DIPK2A: variants seen among roughly 807,000 people sequenced by gnomAD.
DIPK2A encodes the protein Golgi Protein of 49 kDa.
In DIPK2A, 27 loss-of-function variants were observed where a neutral mutation model predicts 39.0. That is an observed-to-expected ratio of 0.69 (90% CI 0.51 to 0.96). DIPK2A has a LOEUF of 0.96. Ranked by LOEUF, DIPK2A falls within the 40% of genes least tolerant of loss-of-function variation. DIPK2A has a pLI of 0.00. For missense variants in DIPK2A, 528 were observed against 571.3 expected, an observed-to-expected ratio of 0.92 and a Z score of 0.77; for synonymous variants, 298 against 240.8, an observed-to-expected ratio of 1.24 and a Z score of -2.20.
In DIPK2A at chr3:143,991,265, A is replaced by C. The variant is rs2087983591; in HGVS notation, c.*1424A>C. 6.6e-6 allele frequency: 1 copy of C among 152,652 alleles called. No homozygotes were observed. The highest frequency in any genetic ancestry group is 6.5e-5 in the Admixed American group (1 of 15,286). 9.5% of individuals were successfully genotyped at this position (152,652 alleles called of 1,614,324 possible). On this transcript the variant is annotated 3_prime_UTR_variant, in exon 3 of 3. Coordinates refer to ENST00000315691, the MANE Select transcript of DIPK2A (RefSeq NM_173552.5). ...AAATCAGAAAGTGATTAAAGTATGC[A>C]CAACCAAAGGCAGGTTTTTCTTTTT...
In DIPK2A at chr3:143,992,218, T is replaced by G. The variant is rs2087997547; in HGVS notation, c.*2377T>G. The G allele has an allele frequency of 6.6e-6, 1 of 152,606 alleles. No homozygotes were observed. The highest frequency in any genetic ancestry group is 2.4e-5 in the African/African-American group (1 of 41,452). The allele number at this position is 152,606 out of a possible 1,614,324, so 9.5% of individuals were successfully genotyped here. A position where few individuals can be genotyped will look rare whatever the true frequency, so the allele number is the denominator to read the frequency against. ...AGTAAAATATTTTTGAATCAGACAT[T>G]TGGGGTTTGTATGTGCATTAAAATT... is the stretch of plus-strand genomic sequence containing the variant. On this transcript the variant is annotated 3_prime_UTR_variant, in exon 3 of 3. Transcript: ENST00000315691.
chr3:143,973,282 G>A (rs1200668511), intron 1 of DIPK2A: 3 of 1,452,468 alleles, frequency 2.1e-6, no homozygotes, highest in African/African-American at 1.4e-5. Context: ...TCCCCAAAAT[G>A]TCTCTACTGC....
In DIPK2A at chr3:143,972,875, C is replaced by T. The variant is rs1426013765; in HGVS notation, c.543C>T (p.Arg181=). 6.3e-7 allele frequency: 1 copy of T among 1,576,630 alleles called. No individual in the cohort carries two copies. The highest frequency in any genetic ancestry group is 2.3e-5 in the East Asian group (1 of 43,280). Residue 181 remains arginine (R), a synonymous_variant, in exon 1 of 3, where the codon CGC becomes CGT. Coordinates refer to ENST00000315691, the MANE Select transcript of DIPK2A (RefSeq NM_173552.5). ...AGCGCCTTCTCGACCGCCTGGTGCG[C>T]CGCTACGCGGAGACCAAGGACTCGG... ...PSQRLLDRLV[R]RYAETKDSGS... is the part of the protein sequence containing the mutation.
In DIPK2A at chr3:143,972,688, C is replaced by T. The variant is rs1425564221; in HGVS notation, c.356C>T (p.Ala119Val). ...CGCCTCGGCTCGCAGCGCGAGCTGG[C>T]GCAGCTCGACCAGAGCATCTGCAAG... The part of the protein sequence containing the change: ...LKRLGSQREL[A>V]QLDQSICKRA... The change falls in exon 1 of 3, where the codon GCG becomes GTG. Residue 119 changes from alanine to valine, a missense_variant. Ala to Val is a moderately conservative substitution (Grantham distance 64). Transcript: ENST00000315691. The T allele has an allele frequency of 5.6e-6, 9 of 1,607,258 alleles. No homozygotes were observed. The highest frequency in any genetic ancestry group is 6.8e-6 in the Non-Finnish European group (8 of 1,177,714).
intron 1 of DIPK2A, chr3:143,978,645 T>TAG (rs1559854198): frequency 4.6e-3 from 193 of 41,952 alleles, no homozygotes; most frequent in Non-Finnish European, 6.8e-3. Flanking sequence ...TATATCTATA[T>TAG]ATATATATAT....
intron 1 of DIPK2A, chr3:143,973,818 A>G: frequency 1.8e-6 from 1 of 546,062 alleles, no homozygotes. Context: ...TTGAAAAGTA[A>G]TGTGCCTTTT....
At chr3:143,974,500 A>T (rs2087703185) in intron 1 of DIPK2A, among the ~76,000 whole-genome samples, 1 of 152,226 alleles carries the variant, frequency 6.6e-6, no homozygotes, top group Non-Finnish European at 1.5e-5. Flanking sequence ...TGATGTACAT[A>T]CACTTGAACT....
chr3:143,980,706 G>GT (rs1404551112), intron 1 of DIPK2A, among the ~76,000 whole-genome samples: 1 of 151,304 alleles, frequency 6.6e-6, no homozygotes, highest in Non-Finnish European at 1.5e-5. Context: ...TTTATTAATA[G>GT]TTTTTTTGAA....
chr3:143,981,059 A>C (rs981692845), intron 1 of DIPK2A, among the ~76,000 whole-genome samples: 3 of 152,192 alleles, frequency 2.0e-5, no homozygotes, highest in Non-Finnish European at 4.4e-5. Flanking sequence ...ATCTTTACTC[A>C]TATATTCCAT....
intron 2 of DIPK2A, 92 bp from the exon 3 acceptor site, chr3:143,989,418 A>T: frequency 1.4e-6 from 1 of 728,872 alleles, no homozygotes; most frequent in South Asian, 1.9e-5. Flanking sequence ...GTGTAGAACA[A>T]ATACTATTAA....
chr3:143,986,921 A>G (rs6440210), intron 2 of DIPK2A, among the ~76,000 whole-genome samples: 52,306 of 151,846 alleles, frequency 0.34, 9,147 homozygotes, highest in African/African-American at 0.38. Context: ...TGACAAACAA[A>G]GGCTGAAAAT....
chr3:143,976,652 G>C (rs1430681013), intron 1 of DIPK2A, among the ~76,000 whole-genome samples: 1 of 151,692 alleles, frequency 6.6e-6, no homozygotes, highest in East Asian at 1.9e-4. Flanking sequence ...AGTGAAGATG[G>C]TCTTGTTTGT....
rs1336780795 is a variant in DIPK2A, at chr3:143,972,654, G to T, written c.322G>T (p.Val108Leu). 4.3e-6 allele frequency: 7 copies of T among 1,610,194 alleles called. No homozygotes were observed. Among genetic ancestry groups the T allele is most frequent in the Non-Finnish European group, 5.1e-6 (6 of 1,178,620 alleles). Residue 108 changes from valine to leucine, a missense_variant, in exon 1 of 3, where the codon GTG (valine) becomes TTG (leucine). Around this residue, in one of 2 missense-constraint regions of DIPK2A, gnomAD observed 309 missense variants for 289.8 expected, o/e 1.07. Transcript: ENST00000315691. ...CCGCGAGGGCGGCCGCCGCCGAGTG[G>T]TGCTCAAGCGCCTCGGCTCGCAGCG... ...EPREGGRRRV[V>L]LKRLGSQREL...
At chr3:143,973,481 T>C in intron 1 of DIPK2A, 1 of 1,551,494 alleles carries the variant, frequency 6.4e-7, no homozygotes, top group Non-Finnish European at 8.7e-7. Flanking sequence ...TTGTTTTCGC[T>C]CATTTACCTG....
chr3:143,971,991 C>T lies in DIPK2A; in HGVS notation c.-342C>T, dbSNP rs2087652377. ...AGCCAGCAGTGCGCGTGCGCGCGGG[C>T]ACGGGCGCGCGACCGTCGGGTCCCC... On this transcript the variant is annotated 5_prime_UTR_variant, in exon 1 of 3. Transcript: ENST00000315691. 1.5e-5 allele frequency: 4 copies of T among 271,078 alleles called. No individual in the cohort carries two copies. In the Admixed American group the frequency reaches 1.6e-4, roughly 11 times the overall value. 16.8% of individuals were successfully genotyped at this position (271,078 alleles called of 1,614,324 possible). A position where few individuals can be genotyped will look rare whatever the true frequency, so the allele number is the denominator to read the frequency against.
chr3:143,978,647 TATATATATATATCTATATATAG>T (rs1328265160), intron 1 of DIPK2A: 14 of 42,762 alleles, frequency 3.3e-4, no homozygotes, highest in East Asian at 1.5e-3. Flanking sequence ...TATCTATATA[TATATATATATATCTATATATAG>T]ATATATATAT....
chr3:143,981,949 CA>C (rs2107844330), intron 1 of DIPK2A, among the ~76,000 whole-genome samples: 5 of 152,304 alleles, frequency 3.3e-5, no homozygotes, highest in African/African-American at 1.2e-4. Context: ...TTGGATTTTA[CA>C]TTTCCTTTAT....
intron 1 of DIPK2A, among the ~76,000 whole-genome samples, chr3:143,974,079 A>G (rs2087696591): frequency 6.6e-6 from 1 of 151,380 alleles, no homozygotes; most frequent in East Asian, 1.9e-4. Context: ...TATACTTCAC[A>G]TTCTTTCTGG....
intron 1 of DIPK2A, 78 bp downstream of exon 1, chr3:143,973,067 C>T (rs902322974): frequency 6.7e-6 from 10 of 1,486,080 alleles, no homozygotes; most frequent in African/African-American, 5.6e-5. Flanking sequence ...GTGGCTCAGC[C>T]AGCGCTTGCC....
Sources: allele counts gnomAD v4.1 joint callset (sites outside exome capture counted in the v4.1 genomes callset), GRCh38; gene constraint gnomAD v4.1.1; regional missense constraint gnomAD v4.1.1; transcripts MANE v1.5; gene names NCBI Gene and HGNC (gene_info 2026-07-23, HGNC 2026-07-21).